Variants in NHSL2 observed in about 807,000 individuals in gnomAD.
NHSL2 encodes the protein NHS like 2.
In NHSL2, 27 loss-of-function variants were observed where a neutral mutation model predicts 53.4. The ratio of observed to expected loss-of-function variants is 0.51; its 90% CI spans 0.37 to 0.70. NHSL2 has a LOEUF of 0.70. Ranked by LOEUF, NHSL2 falls within the 30% of genes least tolerant of loss-of-function variation. The pLI, the probability that NHSL2 is intolerant of heterozygous loss-of-function variation, is 0.00. For missense variants in NHSL2, 892 were observed against 980.1 expected (o/e 0.91, Z 1.20); for synonymous variants, 408 against 404.1 (o/e 1.01, Z -0.12).
At position 72,148,835 on chromosome X, in the gene NHSL2, A is replaced by AGTGTGTGTGTGTGTGT. The variant is rs1176922210; in HGVS notation, c.*5265_*5266insGTGTGTGTGTGTGTGT. 1.2e-4 allele frequency: 3 copies of AGTGTGTGTGTGTGTGT among 25,465 alleles called. No individual in the cohort carries two copies. Among genetic ancestry groups the AGTGTGTGTGTGTGTGT allele is most frequent in the African/African-American group, 2.9e-4 (3 of 10,443 alleles). The allele number at this position is 25,465 out of a possible 1,213,427, so 2.1% of individuals were successfully genotyped here. On this transcript the variant is annotated 3_prime_UTR_variant, in exon 8 of 8. Coordinates refer to ENST00000633930, the MANE Select transcript of NHSL2 (RefSeq NM_001013627.3). Reference sequence around the variant, plus strand: ...GAGAGGGAGAAAGAGAGAGAGAGAGAGTGTATGTGTGTGTGTGTGTGTGTG... The same window carrying AGTGTGTGTGTGTGTGT: ...GAGAGGGAGAAAGAGAGAGAGAGAGAGTGTGTGTGTGTGTGTGTGTATGTGTGTGTGTGTGTGTGTG...
intron 1 of NHSL2, among the ~76,000 whole-genome samples, chrX:72,094,660 C>T (rs2041929557): frequency 9.0e-6 from 1 of 111,025 alleles, no homozygotes; most frequent in Non-Finnish European, 1.9e-5. Context: ...ACTAAGAGCC[C>T]CTTCTCTCCC....
intron 1 of NHSL2, among the ~76,000 whole-genome samples, chrX:72,126,523 G>A (rs1226662355): frequency 1.8e-5 from 2 of 110,650 alleles, no homozygotes; most frequent in African/African-American, 3.3e-5. Context: ...GCCTGGCACA[G>A]CACTCAAAAG....
chrX:71,927,359 C>T (rs916182804), intron 1 of NHSL2, among the ~76,000 whole-genome samples: 2 of 111,515 alleles, frequency 1.8e-5, no homozygotes, highest in East Asian at 2.8e-4. Flanking sequence ...CAGCAGAAAG[C>T]GAGCTAGAGG....
At chrX:71,976,767 G>A (rs1390045247) in intron 1 of NHSL2, among the ~76,000 whole-genome samples, 1 of 112,401 alleles carries the variant, frequency 8.9e-6, no homozygotes, top group African/African-American at 3.2e-5. Context: ...ACTAAAGCCT[G>A]TTGTCTTTCC....
intron 1 of NHSL2, among the ~76,000 whole-genome samples, chrX:71,942,064 T>C (rs1022656436): frequency 2.9e-5 from 3 of 104,122 alleles, no homozygotes; most frequent in African/African-American, 1.1e-4. Context: ...GGAGTGGGGG[T>C]GGATGAGGGA....
rs887130385 is a variant in NHSL2 at position 71,931,701 on chromosome X, G to C, written c.280+20334G>C. On this transcript the variant is annotated intron_variant, in intron 1 of 7. Transcript: ENST00000633930. ...AGGTGAATGGGTTTATTTCTGGACT[G>C]TCAATTCTATTACTTTGATCTATAT... is the stretch of plus-strand genomic sequence containing the variant. Among the ~76,000 whole-genome samples the C allele has an allele frequency of 2.7e-5, 3 of 112,658 alleles. No individual in the cohort carries two copies. The Admixed American group carries it at 2.8e-4, about 11-fold the overall frequency.
chrX:71,968,146 A>G (rs2041909383), intron 1 of NHSL2, among the ~76,000 whole-genome samples: 1 of 109,253 alleles, frequency 9.2e-6, no homozygotes, highest in Non-Finnish European at 1.9e-5. Context: ...ACAGGCACAC[A>G]CCACCATGCC....
At chrX:71,953,772 G>A (rs2041830795) in intron 1 of NHSL2, among the ~76,000 whole-genome samples, 1 of 111,329 alleles carries the variant, frequency 9.0e-6, no homozygotes, top group South Asian at 3.8e-4. Context: ...CAGATAAAGG[G>A]GCCATTGACC....
chrX:72,110,499 A>C (rs1189727253), intron 1 of NHSL2, among the ~76,000 whole-genome samples: 1 of 110,238 alleles, frequency 9.1e-6, no homozygotes, highest in African/African-American at 3.3e-5. Context: ...CAGCTTAGGC[A>C]CAGATAGAAT....
intron 1 of NHSL2, among the ~76,000 whole-genome samples, chrX:71,947,105 C>A (rs936764506): frequency 1.8e-5 from 2 of 112,158 alleles, no homozygotes; most frequent in African/African-American, 6.5e-5. Flanking sequence ...GCTTCTCTCA[C>A]TTCCCTTGTC....
At chrX:72,023,977 A>T (rs995292964) in intron 1 of NHSL2, among the ~76,000 whole-genome samples, 3 of 111,253 alleles carry the variant, frequency 2.7e-5, no homozygotes, top group Non-Finnish European at 5.7e-5. Flanking sequence ...GGAACCAAAG[A>T]GGATGGAGAT....
chrX:71,937,169 C>T (rs1485889689), intron 1 of NHSL2, among the ~76,000 whole-genome samples: 3 of 111,995 alleles, frequency 2.7e-5, no homozygotes, highest in Admixed American at 9.4e-5. Context: ...ATCAAGAACA[C>T]ATAGTACCTT....
At chrX:72,131,605 C>T in intron 1 of NHSL2, 1 of 1,056,873 alleles carries the variant, frequency 9.5e-7, no homozygotes, top group South Asian at 2.3e-5. Context: ...TACGGGCGGC[C>T]GGAGGAGGCC....
intron 1 of NHSL2, among the ~76,000 whole-genome samples, chrX:72,110,750 A>C (rs943962992): frequency 9.6e-5 from 7 of 72,937 alleles, no homozygotes; most frequent in Admixed American, 3.2e-4. Context: ...AAAAAAAAAA[A>C]AACCCAAAGA....
chrX:72,102,661 A>G (rs1352125317), intron 1 of NHSL2, among the ~76,000 whole-genome samples: 1 of 112,498 alleles, frequency 8.9e-6, no homozygotes, highest in African/African-American at 3.2e-5. Flanking sequence ...AAATAGCCCT[A>G]TATAAGTATT....
At chrX:72,038,432 C>G (rs956132769) in intron 1 of NHSL2, among the ~76,000 whole-genome samples, 2 of 112,257 alleles carry the variant, frequency 1.8e-5, no homozygotes, top group Non-Finnish European at 3.8e-5. Flanking sequence ...TCACATTTTG[C>G]CACATTTGCT....
rs763665134 is a variant in NHSL2 at position 72,137,217 on chromosome X, G to T, written c.884G>T (p.Arg295Leu). ...TIIGFSNFSQRDQGHSNSPAG... is the reference protein window; with the variant it reads ...TIIGFSNFSQLDQGHSNSPAG... Reference sequence around the variant, plus strand: ...ATTGGATTCTCTAACTTTTCCCAGCGAGACCAAGGTGACCCCACCACAGCT... The same window carrying T: ...ATTGGATTCTCTAACTTTTCCCAGCTAGACCAAGGTGACCCCACCACAGCT... The change falls in exon 5 of 8, where the codon CGA (arginine) becomes CTA (leucine). Residue 295 changes from arginine to leucine, a missense_variant. By Grantham distance (102) the Arg-to-Leu change is moderately radical (BLOSUM62 -2). Coordinates refer to ENST00000633930, the MANE Select transcript of NHSL2 (RefSeq NM_001013627.3). 2 of 1,164,042 alleles carry T rather than the reference G, an allele frequency of 1.7e-6. No individual in the cohort carries two copies. The highest frequency in any genetic ancestry group is 3.6e-5 in the African/African-American group (2 of 55,467).
intron 1 of NHSL2, among the ~76,000 whole-genome samples, chrX:72,058,562 C>G (rs897031866): frequency 8.9e-6 from 1 of 111,899 alleles, no homozygotes; most frequent in Non-Finnish European, 1.9e-5. Context: ...CCAGGATGGT[C>G]TCGATCTATT....
intron 1 of NHSL2, among the ~76,000 whole-genome samples, chrX:72,102,186 T>TA (rs897398132): frequency 6.2e-5 from 7 of 112,380 alleles, no homozygotes; most frequent in African/African-American, 1.9e-4. Flanking sequence ...CCCAAAGCCT[T>TA]AAAACTAGAA....
Sources: allele counts gnomAD v4.1 joint callset (sites outside exome capture counted in the v4.1 genomes callset), GRCh38; gene constraint gnomAD v4.1.1; transcripts MANE v1.5; gene names NCBI Gene and HGNC (gene_info 2026-07-23, HGNC 2026-07-21).